Variants in SLC25A33 observed in about 807,000 individuals in gnomAD.
SLC25A33 encodes the protein solute carrier family 25 member 33, also known as bone marrow stromal cell mitochondrial carrier protein.
Under a neutral mutation model 35.5 loss-of-function variants are expected in SLC25A33, and 15 were observed. The ratio of observed to expected loss-of-function variants is 0.42; its 90% CI spans 0.28 to 0.65. The LOEUF is 0.65. Ranked by LOEUF, SLC25A33 falls within the 30% of genes least tolerant of loss-of-function variation. SLC25A33 has a pLI of 0.20. For missense variants in SLC25A33, 257 were observed against 398.5 expected, an observed-to-expected ratio of 0.64 and a Z score of 3.02; for synonymous variants, 136 against 148.7, an observed-to-expected ratio of 0.91 and a Z score of 0.62.
chr1:9,567,216 G>T, intron 2 of SLC25A33, 68 bp from the exon 3 acceptor site: 1 of 1,293,962 alleles, frequency 7.7e-7, no homozygotes, highest in South Asian at 1.2e-5. Flanking sequence ...TGAGAAGGTT[G>T]ACTCTTTATC....
At chr1:9,542,510 G>A (rs1193230300) in intron 1 of SLC25A33, among the ~76,000 whole-genome samples, 1 of 152,140 alleles carries the variant, frequency 6.6e-6, no homozygotes, top group African/African-American at 2.4e-5. Flanking sequence ...TGTTAGGGAA[G>A]AACATGAAAG....
chr1:9,544,713 G>A (rs1446888920), intron 1 of SLC25A33, among the ~76,000 whole-genome samples: 1 of 152,166 alleles, frequency 6.6e-6, no homozygotes, highest in African/African-American at 2.4e-5. Context: ...ATGTCTGGCA[G>A]TATCATTTGT....
chr1:9,569,834 CGA>C (rs1272775450), intron 3 of SLC25A33, among the ~76,000 whole-genome samples: 1 of 151,800 alleles, frequency 6.6e-6, no homozygotes, highest in Non-Finnish European at 1.5e-5. Context: ...TGTGTGTTCC[CGA>C]GTCACCCAAA....
chr1:9,560,337 G>C (rs1333083543), intron 2 of SLC25A33, among the ~76,000 whole-genome samples: 7 of 151,910 alleles, frequency 4.6e-5, no homozygotes, highest in Non-Finnish European at 7.4e-5. Context: ...GGCCGAGGCG[G>C]GCGGATCACG....
Position 9,579,949 on chromosome 1 carries a change from T to C in SLC25A33, c.483-5T>C. 7.5e-6 allele frequency: 12 copies of C among 1,609,814 alleles called. No individual in the cohort carries two copies. Among genetic ancestry groups the C allele is most frequent in the Non-Finnish European group, 1.0e-5 (12 of 1,178,296 alleles). ...TAACAGCCTGTGTTGGTCTCTTTTA[T>C]GCAGAGTGAGGGGCTCTAAGCAGAT... On this transcript the variant is annotated splice_region_variant and splice_polypyrimidine_tract_variant and intron_variant, in intron 5 of 6. Transcript: ENST00000302692.
intron 1 of SLC25A33, among the ~76,000 whole-genome samples, chr1:9,541,662 C>A (rs182475986): frequency 3.5e-5 from 5 of 144,608 alleles, no homozygotes; most frequent in Middle Eastern, 3.8e-3. Flanking sequence ...ATTTGTCTTT[C>A]TTGGGAATTT....
rs1052711490 is a variant in SLC25A33 at position 9,578,527 on chromosome 1, T to G, written c.483-1427T>G. The stretch of plus-strand genomic sequence containing the variant: ...TCATTTGCTGTTTTATTTTGATGTT[T>G]TATGATTTTATAAATTTAGCAATAA... On this transcript the variant is annotated intron_variant, in intron 5 of 6. Transcript: ENST00000302692. The surrounding 1 kb of genome is among the most constrained non-coding windows in gnomAD (Gnocchi z 4.3). 6.6e-6 allele frequency among the ~76,000 whole-genome samples: 1 copy of G among 152,242 alleles called. No individual in the cohort carries two copies. Among genetic ancestry groups the G allele is most frequent in the African/African-American group, 2.4e-5 (1 of 41,458 alleles).
At chr1:9,573,309 G>A in intron 4 of SLC25A33, 37 bp from the exon 5 acceptor site, 1 of 1,433,886 alleles carries the variant, frequency 7.0e-7, no homozygotes, top group South Asian at 1.2e-5. Context: ...TATGGACTAT[G>A]TACAGTGTTG....
chr1:9,556,397 A>G (rs1471411709), intron 2 of SLC25A33: 1 of 224,368 alleles, frequency 4.5e-6, no homozygotes, highest in African/African-American at 2.3e-5. Flanking sequence ...GGTAAATGGG[A>G]ATGTTTCTCC....
rs1320332963 is a variant in SLC25A33 at position 9,580,247 on chromosome 1, T to G, written c.763+13T>G. The G allele has an allele frequency of 6.2e-7, 1 of 1,609,268 alleles. No homozygotes were observed. Among genetic ancestry groups the G allele is most frequent in the Admixed American group, 1.7e-5 (1 of 59,010 alleles). ...GCTTATCCACACGGTATGTTTTGCT[T>G]TTGTTCTTCCAGAGCAGTAAAACAG... On this transcript the variant is annotated intron_variant, in intron 6 of 6. Coordinates refer to ENST00000302692, the MANE Select transcript of SLC25A33 (RefSeq NM_032315.3).
intron 2 of SLC25A33, among the ~76,000 whole-genome samples, chr1:9,565,407 T>G (rs1198196688): frequency 6.6e-6 from 1 of 151,126 alleles, no homozygotes. Flanking sequence ...TCCCAGCTAC[T>G]TGGTAGGCTG....
chr1:9,580,873 AT>A (rs1395285952), intron 6 of SLC25A33, among the ~76,000 whole-genome samples: 99 of 143,622 alleles, frequency 6.9e-4, no homozygotes, highest in Non-Finnish European at 1.2e-3. Context: ...AAAAATAATA[AT>A]AATAATAATA....
chr1:9,579,597 C>T (rs903736706), intron 5 of SLC25A33, among the ~76,000 whole-genome samples: 11 of 152,168 alleles, frequency 7.2e-5, no homozygotes, highest in African/African-American at 2.4e-4. Context: ...AGCCTCCATG[C>T]GATCAGCTCT....
chr1:9,579,572 G>A lies in SLC25A33; in HGVS notation c.483-382G>A, dbSNP rs574741341. Among the ~76,000 whole-genome samples the A allele has an allele frequency of 2.3e-4, 35 of 152,260 alleles. No homozygotes were observed. The South Asian group carries it at 7.2e-3, about 32-fold the overall frequency. ...CGTGGAGCTTTCATACCCTCCCCGGGGGCCACCCTCCAGGAGCCTCCATGC... is the reference window on the plus strand; with the variant it reads ...CGTGGAGCTTTCATACCCTCCCCGGAGGCCACCCTCCAGGAGCCTCCATGC... On this transcript the variant is annotated intron_variant, in intron 5 of 6. Transcript: ENST00000302692.
intron 5 of SLC25A33, among the ~76,000 whole-genome samples, chr1:9,574,118 C>CTTTTTT (rs57215050): frequency 3.6e-4 from 48 of 134,320 alleles, no homozygotes; most frequent in Admixed American, 1.5e-3. Context: ...CTTTTCTTTT[C>CTTTTTT]TTTTTTTTTT....
At chr1:9,545,681 G>T (rs1476895032) in intron 1 of SLC25A33, among the ~76,000 whole-genome samples, 1 of 151,126 alleles carries the variant, frequency 6.6e-6, no homozygotes, top group African/African-American at 2.4e-5. Flanking sequence ...GATTACAGGC[G>T]TGAGCCACCG....
At chr1:9,561,362 A>G (rs113958812) in intron 2 of SLC25A33, among the ~76,000 whole-genome samples, 3,391 of 152,220 alleles carry the variant, frequency 0.022, 56 homozygotes, top group Non-Finnish European at 0.029. Context: ...AGTCTGTGCT[A>G]TGCATATTAT....
chr1:9,580,854 C>CAA (rs200156885), intron 6 of SLC25A33, among the ~76,000 whole-genome samples: 20 of 139,388 alleles, frequency 1.4e-4, no homozygotes, highest in Non-Finnish European at 9.2e-5. Flanking sequence ...GACTCTGTCT[C>CAA]AAAAAAAAAA....
chr1:9,540,908 TGGAAGA>T (rs1643069430), intron 1 of SLC25A33, among the ~76,000 whole-genome samples: 1 of 152,194 alleles, frequency 6.6e-6, no homozygotes, highest in South Asian at 2.1e-4. Context: ...CTTCATAGAT[TGGAAGA>T]GTTTCTCATT....
Sources: allele counts gnomAD v4.1 joint callset (sites outside exome capture counted in the v4.1 genomes callset), GRCh38; gene constraint gnomAD v4.1.1; non-coding constraint Gnocchi (gnomAD v3.1); transcripts MANE v1.5; gene names NCBI Gene and HGNC (gene_info 2026-07-23, HGNC 2026-07-21).